The following ECHDC1 variants were observed in gnomAD, a reference collection of about 807,000 sequenced individuals.
ECHDC1 encodes the protein ethylmalonyl-CoA decarboxylase.
In ECHDC1, 29 loss-of-function variants were observed where a neutral mutation model predicts 29.7. That is an observed-to-expected ratio of 0.98 (90% CI 0.73 to 1.33). The LOEUF (loss-of-function observed/expected upper bound fraction) is 1.33. ECHDC1 is among the 40% of genes most tolerant of loss of function. The pLI is 0.00. For synonymous variants in ECHDC1, 126 were observed against 123.1 expected (o/e 1.02, Z -0.15); for missense variants, 328 against 350.0 (o/e 0.94, Z 0.50).
chr6:127,331,130 G>A, intron 1 of ECHDC1, 100 bp from the exon 2 acceptor site: 1 of 776,778 alleles, frequency 1.3e-6, no homozygotes. Flanking sequence ...CTTCTGTTGA[G>A]TTGGGAATAC....
At chr6:127,300,951 A>G (rs1310610376) in intron 5 of ECHDC1, among the ~76,000 whole-genome samples, 4 of 151,632 alleles carry the variant, frequency 2.6e-5, no homozygotes, top group African/African-American at 9.7e-5. Context: ...TTCATTCTAA[A>G]TATCTTTAAT....
At chr6:127,292,339 C>T (rs1175443794) in intron 5 of ECHDC1, among the ~76,000 whole-genome samples, 3 of 151,978 alleles carry the variant, frequency 2.0e-5, no homozygotes, top group Admixed American at 6.6e-5. Flanking sequence ...ATCATCATCT[C>T]TATGGTGATT....
In ECHDC1 at chr6:127,290,280, G is replaced by A; in HGVS notation, c.498-3C>T. 1 of 1,600,624 alleles carries A rather than the reference G, an allele frequency of 6.2e-7. No individual in the cohort carries two copies. The highest frequency in any genetic ancestry group is 1.8e-5 in the Admixed American group (1 of 56,394). ...TCTTACTCTCTGGAGTCATTAACCT[G>A]TAAAAGAAAAAAGAAAAGCTTAATT... is the stretch of plus-strand genomic sequence containing the variant. On this transcript the variant is annotated splice_region_variant and splice_polypyrimidine_tract_variant and intron_variant, in intron 5 of 5. Transcript: ENST00000454859.
At chr6:127,323,995 T>C (rs1024232832) in intron 3 of ECHDC1, among the ~76,000 whole-genome samples, 2 of 152,202 alleles carry the variant, frequency 1.3e-5, no homozygotes, top group Non-Finnish European at 2.9e-5. Flanking sequence ...GTGATTTATA[T>C]ACATAGCTCA....
rs531088672 is a variant in ECHDC1, at chr6:127,299,998, G to A, written c.498-9721C>T. On this transcript the variant is annotated intron_variant, in intron 5 of 5. Transcript: ENST00000454859. ...GAGCAATAAGCTATACCATATAGCC[G>A]AGGTATGTAGTAAGCTGCACCCTAG... 1.8e-4 allele frequency among the ~76,000 whole-genome samples: 28 copies of A among 152,072 alleles called. 1 individual carries two copies. The South Asian group carries it at 5.4e-3, about 29-fold the overall frequency.
intron 5 of ECHDC1, among the ~76,000 whole-genome samples, chr6:127,311,997 A>T (rs972236160): frequency 2.0e-5 from 3 of 152,132 alleles, no homozygotes; most frequent in Non-Finnish European, 1.5e-5. Context: ...TAGTTAGTGC[A>T]AATGAGAAGT....
intron 2 of ECHDC1, 66 bp downstream of exon 2, chr6:127,330,743 T>TA (rs1783846906): frequency 6.5e-6 from 9 of 1,390,388 alleles, no homozygotes; most frequent in East Asian, 2.3e-5. Context: ...ACAGCAAGGA[T>TA]AAAAAAACTT....
At chr6:127,296,000 C>T (rs1780563028) in intron 5 of ECHDC1, among the ~76,000 whole-genome samples, 1 of 152,128 alleles carries the variant, frequency 6.6e-6, no homozygotes, top group Admixed American at 6.5e-5. Flanking sequence ...AGATCCATTA[C>T]TCACAGCATA....
intron 5 of ECHDC1, among the ~76,000 whole-genome samples, chr6:127,311,707 A>AAAAG (rs71024773): frequency 0.57 from 50,231 of 88,252 alleles, 13,718 homozygotes; most frequent in Non-Finnish European, 0.64. Context: ...AAGAAAAGAA[A>AAAAG]AAAGAAAGAA....
At chr6:127,311,669 CAAAAAAAAA>C (rs71272311) in intron 5 of ECHDC1, among the ~76,000 whole-genome samples, 3 of 25,046 alleles carry the variant, frequency 1.2e-4, no homozygotes, top group East Asian at 4.3e-4. Flanking sequence ...GGCTCTGTCT[CAAAAAAAAA>C]AAAAAAAAAA....
intron 5 of ECHDC1, 130 bp downstream of exon 5, chr6:127,314,682 CAAAA>C: frequency 1.5e-6 from 1 of 659,272 alleles, no homozygotes; most frequent in Non-Finnish European, 2.5e-6. Flanking sequence ...TAATGACTGA[CAAAA>C]AGAAAACATT....
chr6:127,299,822 C>A (rs1423891732), intron 5 of ECHDC1, among the ~76,000 whole-genome samples: 1 of 152,154 alleles, frequency 6.6e-6, no homozygotes, highest in African/African-American at 2.4e-5. Flanking sequence ...GCTCGATTCA[C>A]CATAAATACC....
At chr6:127,297,527 C>T (rs1780704540) in intron 5 of ECHDC1, among the ~76,000 whole-genome samples, 1 of 152,144 alleles carries the variant, frequency 6.6e-6, no homozygotes, top group Non-Finnish European at 1.5e-5. Context: ...TGGGGAAAAA[C>T]TAAACTGCAA....
chr6:127,331,008 C>T lies in ECHDC1; in HGVS notation c.21G>A (p.Lys7=). 1 of 1,613,338 alleles carries T rather than the reference C, an allele frequency of 6.2e-7. No individual in the cohort carries two copies. The change falls in exon 2 of 6, where the codon AAG becomes AAA. Residue 7 remains lysine, a synonymous_variant. Transcript: ENST00000454859. The part of the protein sequence containing the change: MAKSLL[K]TASLSGRTKL... ...TTGTCCTTCCAGACAGAGAGGCTGT[C>T]TTCAAAAGACTTTTCGCCATTTCTG...
chr6:127,305,856 A>C (rs991877704), intron 5 of ECHDC1, among the ~76,000 whole-genome samples: 3 of 152,060 alleles, frequency 2.0e-5, no homozygotes, highest in Non-Finnish European at 4.4e-5. Context: ...CACTGAGAAC[A>C]TCATCATCAC....
At chr6:127,327,577 T>C (rs570920825) in intron 2 of ECHDC1, among the ~76,000 whole-genome samples, 1 of 152,192 alleles carries the variant, frequency 6.6e-6, no homozygotes. Context: ...TTATGATATA[T>C]TGGACATATG....
Position 127,314,846 on chromosome 6 carries a change from C to T in ECHDC1, c.467G>A (p.Gly156Glu), listed in dbSNP as rs764167963. ...ALVQGWALGG[G>E]AEFTTACDFR... ...ATCACATGCTGTAGTAAATTCTGCT[C>T]CTCCACCCAATGCCCAACCTTGAAC... The change falls in exon 5 of 6, where the codon GGA becomes GAA. Residue 156 changes from glycine to glutamate, a missense_variant. Physicochemically the swap from Gly to Glu is moderately conservative, Grantham distance 98. Transcript: ENST00000454859. 16 of 1,611,608 alleles carry T rather than the reference C, an allele frequency of 9.9e-6. No homozygotes were observed. Among genetic ancestry groups the T allele is most frequent in the Non-Finnish European group, 1.1e-5 (13 of 1,178,924 alleles).
chr6:127,305,269 G>C (rs1052069069), intron 5 of ECHDC1, among the ~76,000 whole-genome samples: 1 of 152,156 alleles, frequency 6.6e-6, no homozygotes, highest in Non-Finnish European at 1.5e-5. Flanking sequence ...AGAATGGTAC[G>C]ACATACTGCA....
At chr6:127,312,178 T>C (rs1582961552) in intron 5 of ECHDC1, among the ~76,000 whole-genome samples, 1 of 152,176 alleles carries the variant, frequency 6.6e-6, no homozygotes, top group East Asian at 1.9e-4. Flanking sequence ...TCTGCTACTA[T>C]AATTATTGCT....
Sources: gnomAD v4.1 joint callset for allele counts (sites outside exome capture counted in the v4.1 genomes callset) on GRCh38, gnomAD v4.1.1 for gene constraint, MANE v1.5 for transcripts, NCBI Gene and HGNC (gene_info 2026-07-23, HGNC 2026-07-21) for gene names.